The following FAM178B variants were observed in gnomAD, a reference collection of about 807,000 sequenced individuals.
FAM178B encodes the protein protein FAM178B.
A neutral mutation model predicts 91.7 loss-of-function variants in FAM178B; 82 were observed. The ratio of observed to expected loss-of-function variants is 0.89; its 90% confidence interval spans 0.75 to 1.07. FAM178B has a LOEUF of 1.07. Among genes scored for constraint, FAM178B ranks in the 50% least tolerant of loss-of-function variants. FAM178B has a pLI of 0.00. For missense variants in FAM178B, 769 were observed against 846.7 expected (o/e 0.91, Z 1.14); for synonymous variants, 368 against 359.4 (o/e 1.02, Z -0.27).
rs11284849 is a variant in FAM178B, at chr2:96,904,541, ATTTTTTTT to A, written c.1563-1842_1563-1835del. Among the ~76,000 whole-genome samples the A allele has an allele frequency of 3.3e-3, 318 of 96,662 alleles. 1 individual carries two copies. Among genetic ancestry groups the A allele is most frequent in the African/African-American group, 0.012 (274 of 23,384 alleles). The allele number at this position is 96,662 out of a possible 152,430, so 63.4% of individuals were successfully genotyped here. A position where few individuals can be genotyped will look rare whatever the true frequency, so the allele number is the denominator to read the frequency against. ...CACGCACGCGCCACCATGCCTGGCT[ATTTTTTTT>A]TTTTTTTTTTTTTTTTGTATTTTTA... On this transcript the variant is annotated intron_variant, in intron 12 of 16. Coordinates refer to ENST00000490605, the MANE Select transcript of FAM178B (RefSeq NM_001122646.3).
At chr2:96,905,535 C>T (rs374118715) in intron 12 of FAM178B, among the ~76,000 whole-genome samples, 3 of 140,258 alleles carry the variant, frequency 2.1e-5, no homozygotes, top group Non-Finnish European at 3.0e-5. Flanking sequence ...CAAGCCTGGG[C>T]GACAGAGCGA....
intron 12 of FAM178B, among the ~76,000 whole-genome samples, chr2:96,917,229 ATTTTG>A (rs1164643947): frequency 6.6e-6 from 1 of 152,156 alleles, no homozygotes. Flanking sequence ...TACCTTACGA[ATTTTG>A]TTTTATTTGA....
At chr2:96,958,849 G>C (rs572926581) in intron 6 of FAM178B, among the ~76,000 whole-genome samples, 2 of 151,084 alleles carry the variant, frequency 1.3e-5, no homozygotes, top group Non-Finnish European at 2.9e-5. Flanking sequence ...ATGTTTTAGA[G>C]ACACAAACTG....
chr2:96,937,805 C>T (rs951674889), intron 8 of FAM178B, among the ~76,000 whole-genome samples: 1 of 152,140 alleles, frequency 6.6e-6, no homozygotes, highest in Non-Finnish European at 1.5e-5. Context: ...GCAGGCAGAT[C>T]GCTTGAGCCC....
At position 96,972,194 on chromosome 2, in the gene FAM178B, G is replaced by T; in HGVS notation, c.271C>A (p.Pro91Thr). The change falls in exon 3 of 17, where the codon CCC becomes ACC. Residue 91 changes from proline to threonine, a missense_variant. Physicochemically the swap from Pro to Thr is conservative, Grantham distance 38. Coordinates refer to ENST00000490605, the MANE Select transcript of FAM178B (RefSeq NM_001122646.3). ...ATCTTGGGCTTCTTTGGCGATGTGG[G>T]AGCTGGAGCCGAGGCAGGGCTGCAG... Reference protein sequence around the residue: ...RPCSPASAPAPTSPKKPKIQA... With the variant: ...RPCSPASAPATTSPKKPKIQA... The T allele has an allele frequency of 1.3e-6, 2 of 1,546,722 alleles. No homozygotes were observed. Among genetic ancestry groups the T allele is most frequent in the Non-Finnish European group, 8.7e-7 (1 of 1,145,008 alleles).
rs1224284886 is a variant in FAM178B at position 96,977,617 on chromosome 2, G to GT, written c.74-5012dup. Among the ~76,000 whole-genome samples the GT allele has an allele frequency of 3.3e-5, 5 of 152,124 alleles. No homozygotes were observed. The East Asian group carries it at 9.7e-4, about 29-fold the overall frequency. On this transcript the variant is annotated intron_variant, in intron 1 of 16. Coordinates refer to ENST00000490605, the MANE Select transcript of FAM178B (RefSeq NM_001122646.3). ...TAGTGTTGCAAAGTCCATAGGGATGGTAAGAATAAAATAGGAGAAGCAGCA... is the reference window on the plus strand; with the variant it reads ...TAGTGTTGCAAAGTCCATAGGGATGGTTAAGAATAAAATAGGAGAAGCAGCA...
chr2:96,924,230 G>A (rs2081396407), intron 9 of FAM178B, among the ~76,000 whole-genome samples: 1 of 152,206 alleles, frequency 6.6e-6, no homozygotes, highest in Non-Finnish European at 1.5e-5. Context: ...AAGTCCGTGA[G>A]TTCTCCCTGG....
chr2:96,929,070 A>T, intron 9 of FAM178B, 136 bp downstream of exon 9: 1 of 651,456 alleles, frequency 1.5e-6, no homozygotes, highest in African/African-American at 1.8e-5. Context: ...AGGTGGGAGG[A>T]TCACTTGAGC....
At chr2:96,972,384 C>T in intron 2 of FAM178B, 62 bp from the exon 3 acceptor site, 2 of 1,470,412 alleles carry the variant, frequency 1.4e-6, no homozygotes, top group Non-Finnish European at 1.8e-6. Context: ...AGACGTCAAG[C>T]CACACTGGGT....
rs79461343 is a variant in FAM178B at position 96,883,535 on chromosome 2, G to A, written c.1777-5042C>T. Among the ~76,000 whole-genome samples the A allele has an allele frequency of 2.1e-3, 318 of 152,372 alleles. 15 individuals are homozygous for A. In the East Asian group the frequency reaches 0.039, roughly 18 times the overall value. Reference sequence around the variant, plus strand: ...GCTCTCTCCTGGAGGCTGCCAGACCGGGTGGGGAAGGCAGACCTGTTTCTG... The same window carrying A: ...GCTCTCTCCTGGAGGCTGCCAGACCAGGTGGGGAAGGCAGACCTGTTTCTG... On this transcript the variant is annotated intron_variant, in intron 14 of 16. Transcript: ENST00000490605.
chr2:96,968,328 C>G (rs1047057228), intron 4 of FAM178B, among the ~76,000 whole-genome samples: 6 of 152,178 alleles, frequency 3.9e-5, no homozygotes, highest in Admixed American at 3.9e-4. Flanking sequence ...AACTGGCCCC[C>G]ACAATAGGCC....
intron 13 of FAM178B, chr2:96,898,229 C>T (rs556347919): frequency 3.1e-6 from 2 of 655,238 alleles, no homozygotes; most frequent in Non-Finnish European, 3.8e-6. Flanking sequence ...GTCTGTGAAC[C>T]GGGACTAAAG....
At chr2:96,898,074 TG>T in intron 13 of FAM178B, 1 of 985,648 alleles carries the variant, frequency 1.0e-6, no homozygotes, top group African/African-American at 1.7e-5. Flanking sequence ...TGCAAATTGC[TG>T]TGCCCAGATC....
At chr2:96,951,113 C>T (rs1034326025) in intron 7 of FAM178B, among the ~76,000 whole-genome samples, 1 of 152,208 alleles carries the variant, frequency 6.6e-6, no homozygotes, top group Non-Finnish European at 1.5e-5. Flanking sequence ...CCCAGAGACA[C>T]ACACCTTCGG....
At chr2:96,956,031 C>T (rs986886234) in intron 6 of FAM178B, among the ~76,000 whole-genome samples, 6 of 152,190 alleles carry the variant, frequency 3.9e-5, no homozygotes, top group African/African-American at 1.4e-4. Flanking sequence ...GTCCTCGCAC[C>T]AACAGTGGCA....
At chr2:96,924,913 C>T (rs1463449762) in intron 9 of FAM178B, among the ~76,000 whole-genome samples, 2 of 152,024 alleles carry the variant, frequency 1.3e-5, no homozygotes, top group Non-Finnish European at 2.9e-5. Context: ...TGGCGCTGGG[C>T]TCAGAGGGGA....
At position 96,972,252 on chromosome 2, in the gene FAM178B, C is replaced by T. The variant is rs988820262; in HGVS notation, c.213G>A (p.Leu71=). The T allele has an allele frequency of 7.3e-6, 11 of 1,509,676 alleles. No homozygotes were observed. The highest frequency in any genetic ancestry group is 9.7e-6 in the Non-Finnish European group (11 of 1,129,754). The allele number at this position is 1,509,676 out of a possible 1,614,324, so 93.5% of individuals were successfully genotyped here. The change falls in exon 3 of 17, where the codon CTG becomes CTA. Residue 71 remains leucine (L), a synonymous_variant. Coordinates refer to ENST00000490605, the MANE Select transcript of FAM178B (RefSeq NM_001122646.3). The part of the protein sequence containing the change: ...NLEDGLSDHP[L]DQGPRCPARR... ...GGGCAGGGCAGCGGGGCCCCTGGTC[C>T]AGGGGATGGTCTGACAAGCCATCCT...
At chr2:96,928,153 C>T (rs533801753) in intron 9 of FAM178B, among the ~76,000 whole-genome samples, 26 of 152,204 alleles carry the variant, frequency 1.7e-4, no homozygotes, top group East Asian at 7.7e-4. Flanking sequence ...AACATCTGCC[C>T]GCCGAGGCGA....
At chr2:96,952,399 G>A (rs540838134) in intron 6 of FAM178B, among the ~76,000 whole-genome samples, 6 of 152,218 alleles carry the variant, frequency 3.9e-5, no homozygotes, top group South Asian at 2.1e-4. Flanking sequence ...AGGGATGGGG[G>A]CGTGCTCAGA....
Sources: allele counts gnomAD v4.1 joint callset (sites outside exome capture counted in the v4.1 genomes callset), GRCh38; gene constraint gnomAD v4.1.1; transcripts MANE v1.5; gene names NCBI Gene and HGNC (gene_info 2026-07-23, HGNC 2026-07-21).